SLC4A4: variants seen among roughly 807,000 people sequenced by gnomAD.
SLC4A4 encodes the protein electrogenic sodium bicarbonate cotransporter 1.
In SLC4A4, 27 loss-of-function variants were observed where a neutral mutation model predicts 111.5. The observed-to-expected ratio is 0.24, with a 90% CI of 0.18 to 0.33. The LOEUF is 0.33. SLC4A4 is among the 10% of genes least tolerant of loss of function. The pLI, the probability that SLC4A4 is intolerant of heterozygous loss-of-function variation, is 1.00. For missense variants in SLC4A4, 909 were observed against 1,315.5 expected (o/e 0.69, Z 4.78); for synonymous variants, 443 against 463.4 (o/e 0.96, Z 0.57).
rs547826338 is a variant in SLC4A4, at chr4:71,335,741, T to C, written c.254-3629T>C. Among the ~76,000 whole-genome samples, 1,220 of 151,754 alleles carry C rather than the reference T, an allele frequency of 8.0e-3. 16 individuals are homozygous for C. Among genetic ancestry groups the C allele is most frequent in the African/African-American group, 0.026 (1,064 of 41,380 alleles). ...TCAGGAGGCTGAGGCAGGAGAATGG[T>C]GTGAACCCGGGAGGCGGAGCTTGCA... is the stretch of plus-strand genomic sequence containing the variant. On this transcript the variant is annotated intron_variant, in intron 3 of 25. Transcript: ENST00000264485.
chr4:71,222,945 G>A (rs988606193), intron 1 of SLC4A4, among the ~76,000 whole-genome samples: 2 of 152,180 alleles, frequency 1.3e-5, no homozygotes. Flanking sequence ...GGACAACCAT[G>A]TGGCCAAGTG....
At chr4:71,463,674 C>G (rs1471198846) in intron 12 of SLC4A4, among the ~76,000 whole-genome samples, 2 of 152,126 alleles carry the variant, frequency 1.3e-5, no homozygotes, top group Non-Finnish European at 2.9e-5. Flanking sequence ...GTTATCTTTA[C>G]CGAATGAGCA....
intron 1 of SLC4A4, among the ~76,000 whole-genome samples, chr4:71,086,470 C>T (rs954312894): frequency 1.5e-4 from 23 of 152,126 alleles, no homozygotes; most frequent in Non-Finnish European, 2.6e-4. Context: ...AGAGGTCATC[C>T]GTGTCTTGTG....
At chr4:71,329,446 T>C (rs1204582450) in intron 3 of SLC4A4, among the ~76,000 whole-genome samples, 3 of 152,098 alleles carry the variant, frequency 2.0e-5, no homozygotes, top group Non-Finnish European at 4.4e-5. Context: ...TTCTTCTAAT[T>C]CATGAACATG....
intron 1 of SLC4A4, among the ~76,000 whole-genome samples, chr4:71,091,743 C>G (rs1560714673): frequency 6.6e-6 from 1 of 152,172 alleles, no homozygotes; most frequent in African/African-American, 2.4e-5. Flanking sequence ...GGAAATACTA[C>G]ATGTCCCTAT....
At chr4:71,091,083 G>T (rs895855000) in intron 1 of SLC4A4, among the ~76,000 whole-genome samples, 1 of 152,132 alleles carries the variant, frequency 6.6e-6, no homozygotes, top group Non-Finnish European at 1.5e-5. Context: ...GAGTAGCTGA[G>T]ATTACAGTTG....
chr4:71,249,295 A>T (rs891582481), intron 2 of SLC4A4, among the ~76,000 whole-genome samples: 1 of 152,186 alleles, frequency 6.6e-6, no homozygotes, highest in Admixed American at 6.5e-5. Flanking sequence ...TACATAAATG[A>T]CATATGTAAT....
intron 2 of SLC4A4, among the ~76,000 whole-genome samples, chr4:71,106,999 A>T (rs1266679382): frequency 6.6e-6 from 1 of 151,960 alleles, no homozygotes; most frequent in East Asian, 1.9e-4. Context: ...ATTAAAAAAA[A>T]AATAAAGTCT....
intron 2 of SLC4A4, among the ~76,000 whole-genome samples, chr4:71,130,593 G>GAT (rs914586108): frequency 6.6e-6 from 1 of 152,064 alleles, no homozygotes; most frequent in Non-Finnish European, 1.5e-5. Flanking sequence ...AGCACTTAGT[G>GAT]ATATCATACT....
chr4:71,315,518 G>A (rs1263675283), intron 3 of SLC4A4, among the ~76,000 whole-genome samples: 1 of 152,072 alleles, frequency 6.6e-6, no homozygotes, highest in Non-Finnish European at 1.5e-5. Flanking sequence ...GCACTGATGT[G>A]GACCTTTTTC....
At chr4:71,488,650 A>G (rs1420005517) in intron 15 of SLC4A4, among the ~76,000 whole-genome samples, 1 of 151,744 alleles carries the variant, frequency 6.6e-6, no homozygotes, top group African/African-American at 2.4e-5. Context: ...TAGGTCACAT[A>G]GCCATATATT....
At chr4:71,411,591 G>A (rs1482866763) in intron 7 of SLC4A4, among the ~76,000 whole-genome samples, 1 of 152,070 alleles carries the variant, frequency 6.6e-6, no homozygotes, top group African/African-American at 2.4e-5. Context: ...ACTTGCTTTT[G>A]TATGGCTTGC....
At chr4:71,399,447 C>A (rs1368868275) in intron 7 of SLC4A4, among the ~76,000 whole-genome samples, 2 of 120,974 alleles carry the variant, frequency 1.7e-5, no homozygotes, top group African/African-American at 6.2e-5. Flanking sequence ...CCCTCCCCTT[C>A]CGTCCCCTCC....
chr4:71,406,777 G>A (rs1182240007), intron 7 of SLC4A4, among the ~76,000 whole-genome samples: 2 of 151,970 alleles, frequency 1.3e-5, no homozygotes, highest in Non-Finnish European at 1.5e-5. Context: ...ATATAAGAGG[G>A]TAGGAAGTAA....
chr4:71,518,370 G>A (rs764537434), intron 16 of SLC4A4, among the ~76,000 whole-genome samples: 2 of 152,122 alleles, frequency 1.3e-5, no homozygotes, highest in Non-Finnish European at 2.9e-5. Context: ...GGAGGGTGGA[G>A]CCACAGGGAC....
At chr4:71,222,423 A>C (rs1283659572) in intron 1 of SLC4A4, among the ~76,000 whole-genome samples, 2 of 152,086 alleles carry the variant, frequency 1.3e-5, no homozygotes, top group East Asian at 3.9e-4. Context: ...CATTCCCTAA[A>C]TCTCTTCCTT....
chr4:71,450,893 A>T (rs776530667), intron 10 of SLC4A4, among the ~76,000 whole-genome samples: 1 of 152,224 alleles, frequency 6.6e-6, no homozygotes, highest in Non-Finnish European at 1.5e-5. Flanking sequence ...CATGGTTAAG[A>T]CATTGGGTAA....
At chr4:71,191,167 AGGT>A (rs1745716530) in intron 1 of SLC4A4, among the ~76,000 whole-genome samples, 1 of 152,248 alleles carries the variant, frequency 6.6e-6, no homozygotes, top group African/African-American at 2.4e-5. Flanking sequence ...TTGGTAGGTT[AGGT>A]GTATTAGACA....
chr4:71,526,029 A>G (rs1291055510), intron 16 of SLC4A4, among the ~76,000 whole-genome samples: 1 of 151,990 alleles, frequency 6.6e-6, no homozygotes, highest in Non-Finnish European at 1.5e-5. Flanking sequence ...TAGACTATGT[A>G]CTCATTGCTA....
Sources: gnomAD v4.1 joint callset for allele counts (sites outside exome capture counted in the v4.1 genomes callset) on GRCh38, gnomAD v4.1.1 for gene constraint, MANE v1.5 for transcripts, NCBI Gene and HGNC (gene_info 2026-07-23, HGNC 2026-07-21) for gene names.